Variants in VCF1 observed in about 807,000 individuals in gnomAD.
The protein encoded by VCF1 is protein VCF1.
chr17:73,227,218 G>T, the VCF1 span: 12 of 1,579,544 alleles, frequency 7.6e-6, no homozygotes, highest in Middle Eastern at 1.7e-4. Flanking sequence ...CTTTTGGTCT[G>T]GGGGGGAAGA....
At chr17:73,218,989 T>C in the VCF1 span, among the ~76,000 whole-genome samples, 1 of 151,144 alleles carries the variant, frequency 6.6e-6, no homozygotes, top group African/African-American at 2.4e-5. Context: ...CACTGCACTA[T>C]GGCCTGGATG....
the VCF1 span, among the ~76,000 whole-genome samples, chr17:73,216,284 A>T: frequency 6.6e-6 from 1 of 152,188 alleles, no homozygotes; most frequent in Non-Finnish European, 1.5e-5. Flanking sequence ...GGAAGAAGAC[A>T]TAGGGTACTC....
the VCF1 span, chr17:73,229,606 C>T: frequency 1.0e-6 from 1 of 984,516 alleles, no homozygotes; most frequent in African/African-American, 1.7e-5. Context: ...TGACTCACAC[C>T]TGTAATCCCA....
chr17:73,219,771 G>A, the VCF1 span, among the ~76,000 whole-genome samples: 3 of 152,130 alleles, frequency 2.0e-5, no homozygotes, highest in African/African-American at 2.4e-5. Context: ...CCAGGAGTTC[G>A]AGATCAGCCT....
the VCF1 span, among the ~76,000 whole-genome samples, chr17:73,217,843 G>A: frequency 6.6e-6 from 1 of 151,956 alleles, no homozygotes; most frequent in Non-Finnish European, 1.5e-5. Flanking sequence ...GTGGAGGCGT[G>A]CGCCTGGAGT....
chr17:73,218,262 T>C, the VCF1 span, among the ~76,000 whole-genome samples: 6 of 152,372 alleles, frequency 3.9e-5, no homozygotes, highest in African/African-American at 1.2e-4. Flanking sequence ...AAACTTCAGA[T>C]CTACCAATAT....
At chr17:73,207,995 C>A in the VCF1 span, 1 of 1,283,026 alleles carries the variant, frequency 7.8e-7, no homozygotes. Context: ...ATGTTGCAGC[C>A]TCTTCCAGAA....
chr17:73,229,626 G>A, the VCF1 span: 1 of 969,528 alleles, frequency 1.0e-6, no homozygotes, highest in Non-Finnish European at 1.2e-6. Context: ...AGCACTTTGG[G>A]AGGCTGAGGC....
the VCF1 span, among the ~76,000 whole-genome samples, chr17:73,211,442 G>T: frequency 0.054 from 8,274 of 151,884 alleles, 259 homozygotes; most frequent in Middle Eastern, 0.085. Flanking sequence ...GGTGGCAGGC[G>T]GCTGTAATCC....
the VCF1 span, among the ~76,000 whole-genome samples, chr17:73,225,900 T>TATATATATA: frequency 1.2e-4 from 9 of 77,868 alleles, no homozygotes; most frequent in South Asian, 4.3e-4. Context: ...TATATATATA[T>TATATATATA]TTTTTTTTTT....
the VCF1 span, chr17:73,212,581 G>T: frequency 1.1e-6 from 1 of 902,884 alleles, no homozygotes; most frequent in Non-Finnish European, 1.7e-6. Context: ...CTACAAAGGC[G>T]TCTCCTAACC....
At chr17:73,224,185 G>A in the VCF1 span, among the ~76,000 whole-genome samples, 6 of 149,262 alleles carry the variant, frequency 4.0e-5, no homozygotes, top group African/African-American at 1.5e-4. Context: ...CAGCATTTTG[G>A]GGAGGCTGAG....
the VCF1 span, among the ~76,000 whole-genome samples, chr17:73,217,498 A>C: frequency 6.6e-6 from 1 of 151,768 alleles, no homozygotes; most frequent in Non-Finnish European, 1.5e-5. Context: ...AACAATACAA[A>C]AATTAGCTGG....
chr17:73,217,444 G>A, the VCF1 span, among the ~76,000 whole-genome samples: 3 of 151,734 alleles, frequency 2.0e-5, no homozygotes, highest in African/African-American at 7.3e-5. Context: ...GAGGTCAAGA[G>A]ATCGAGACCA....
chr17:73,226,484 T>C, the VCF1 span, among the ~76,000 whole-genome samples: 1 of 152,252 alleles, frequency 6.6e-6, no homozygotes, highest in Non-Finnish European at 1.5e-5. Context: ...TTTCTCTTAG[T>C]GTGACAACTG....
chr17:73,225,880 A>AT, the VCF1 span, among the ~76,000 whole-genome samples: 101 of 64,072 alleles, frequency 1.6e-3, no homozygotes, highest in Admixed American at 6.1e-3. Context: ...ATATATATAT[A>AT]TAATATATAT....
chr17:73,225,896 TA>T, the VCF1 span, among the ~76,000 whole-genome samples: 1 of 72,604 alleles, frequency 1.4e-5, no homozygotes, highest in African/African-American at 5.5e-5. Context: ...TATATATATA[TA>T]TATTTTTTTT....
the VCF1 span, among the ~76,000 whole-genome samples, chr17:73,214,711 A>G: frequency 6.6e-6 from 1 of 152,234 alleles, no homozygotes; most frequent in Non-Finnish European, 1.5e-5. Flanking sequence ...GCAAAAGCCA[A>G]TACTTGATGA....
chr17:73,231,941 C>T, the VCF1 span: 3 of 879,344 alleles, frequency 3.4e-6, no homozygotes, highest in Non-Finnish European at 5.0e-6. Context: ...GCGCATCCCT[C>T]TCCCCTCCTC....
Sources: gnomAD v4.1 joint callset for allele counts (sites outside exome capture counted in the v4.1 genomes callset) on GRCh38, gnomAD v4.1.1 for gene constraint, MANE v1.5 for transcripts, NCBI Gene and HGNC (gene_info 2026-07-23, HGNC 2026-07-21) for gene names.